AOAH: variants seen among roughly 807,000 people sequenced by gnomAD.
AOAH encodes acyloxyacyl hydrolase (neutrophil).
AOAH carries 64 observed loss-of-function variants against 92.2 expected under a neutral mutation model. That is an observed-to-expected ratio of 0.69 (90% confidence interval 0.57 to 0.86). The LOEUF (loss-of-function observed/expected upper bound fraction) is 0.86, where lower values mean the gene tolerates loss of function less well. Ranked by LOEUF, AOAH falls within the 40% of genes least tolerant of loss-of-function variation. The probability of loss-of-function intolerance (pLI) is 0.00; values close to 1 mark genes in which losing one functional copy is unlikely to be tolerated. For missense variants in AOAH, 656 were observed against 694.6 expected (o/e 0.94, Z 0.62); for synonymous variants, 263 against 254.5 (o/e 1.03, Z -0.32).
chr7:36,722,584 C>T (rs1799698880), intron 1 of AOAH, among the ~76,000 whole-genome samples: 1 of 152,142 alleles, frequency 6.6e-6, no homozygotes, highest in Non-Finnish European at 1.5e-5. Flanking sequence ...AAGGACCACA[C>T]ACCTCTGCCT....
rs1027530916 is a variant in AOAH at position 36,631,918 on chromosome 7, A to G, written c.521+118T>C. 11 of 738,150 alleles carry G rather than the reference A, an allele frequency of 1.5e-5. No homozygotes were observed. The African/African-American group carries it at 2.0e-4, about 13-fold the overall frequency. The allele number at this position is 738,150 out of a possible 1,614,324, so 45.7% of individuals were successfully genotyped here. A position where few individuals can be genotyped will look rare whatever the true frequency, so the allele number is the denominator to read the frequency against. On this transcript the variant is annotated intron_variant, in intron 6 of 20. Coordinates refer to ENST00000617537, the MANE Select transcript of AOAH (RefSeq NM_001637.4). ...CTGTGCAATGTTTTGAGAAAGAAAC[A>G]CTCTCACCTTCAGGGATGCCTTTTA...
At chr7:36,605,671 C>T (rs1322551011) in intron 11 of AOAH, among the ~76,000 whole-genome samples, 1 of 152,182 alleles carries the variant, frequency 6.6e-6, no homozygotes, top group Non-Finnish European at 1.5e-5. Flanking sequence ...TCTCAGTAGG[C>T]AGCAGGGCCA....
intron 4 of AOAH, among the ~76,000 whole-genome samples, chr7:36,642,706 A>G (rs1329168257): frequency 2.0e-5 from 3 of 152,266 alleles, no homozygotes; most frequent in Non-Finnish European, 4.4e-5. Flanking sequence ...GTACTCTGCC[A>G]GGCGTAAGCC....
chr7:36,657,457 G>C (rs1288620352), intron 4 of AOAH, among the ~76,000 whole-genome samples: 2 of 152,236 alleles, frequency 1.3e-5, no homozygotes, highest in Non-Finnish European at 2.9e-5. Context: ...TGAGTGCCCA[G>C]TCAATGTCAG....
In AOAH at chr7:36,594,134, C is replaced by T. The variant is rs189991727; in HGVS notation, c.938+205G>A. On this transcript the variant is annotated intron_variant, in intron 12 of 20. Transcript: ENST00000617537. ...ACTATGGAACTCCACCCCCACCCTG[C>T]CCATAGCAGGAATATGCTTTTCTTG... Among the ~76,000 whole-genome samples, 4 of 152,342 alleles carry T rather than the reference C, an allele frequency of 2.6e-5. No homozygotes were observed. The East Asian group carries it at 7.7e-4, about 29-fold the overall frequency.
intron 16 of AOAH, among the ~76,000 whole-genome samples, chr7:36,534,327 C>T (rs913742707): frequency 2.0e-5 from 3 of 152,224 alleles, no homozygotes; most frequent in Non-Finnish European, 1.5e-5. Context: ...CCCTCTGTCG[C>T]CTGGCTCCAC....
In AOAH at chr7:36,724,435, T is replaced by A. The variant is rs1174586226; in HGVS notation, c.-287A>T. The A allele has an allele frequency of 3.6e-6, 1 of 274,718 alleles. No homozygotes were observed. The highest frequency in any genetic ancestry group is 7.3e-6 in the Non-Finnish European group (1 of 136,394). 17.0% of individuals were successfully genotyped at this position (274,718 alleles called of 1,614,324 possible). A position where few individuals can be genotyped will look rare whatever the true frequency, so the allele number is the denominator to read the frequency against. ...TGTGCGGTTCTGCTGAGGTAAAGAC[T>A]GCAGGATAAAGAAAACCCAAGTTGC... On this transcript the variant is annotated 5_prime_UTR_variant, in exon 1 of 21. Transcript: ENST00000617537.
At chr7:36,700,874 T>C (rs1797988112) in intron 1 of AOAH, among the ~76,000 whole-genome samples, 2 of 152,120 alleles carry the variant, frequency 1.3e-5, no homozygotes, top group South Asian at 2.1e-4. Flanking sequence ...ACAATAGCCA[T>C]TCTAACTAGC....
intron 10 of AOAH, among the ~76,000 whole-genome samples, 187 bp downstream of exon 10, chr7:36,618,110 C>T (rs190184214): frequency 6.6e-6 from 1 of 152,290 alleles, no homozygotes; most frequent in African/African-American, 2.4e-5. Context: ...CCTCTTTCCT[C>T]CTTTTCTGAA....
Position 36,532,224 on chromosome 7 carries a change from C to A in AOAH, c.1366-18G>T, listed in dbSNP as rs1270176903. ...GGGCTGACCTGAGAGCGGGAAAACA[C>A]TTTTGATTACAGAGGATCAGGGTAG... On this transcript the variant is annotated intron_variant, in intron 17 of 20. Coordinates refer to ENST00000617537, the MANE Select transcript of AOAH (RefSeq NM_001637.4). 3 of 1,614,070 alleles carry A rather than the reference C, an allele frequency of 1.9e-6. No individual in the cohort carries two copies. The highest frequency in any genetic ancestry group is 2.5e-6 in the Non-Finnish European group (3 of 1,180,028).
In AOAH at chr7:36,608,637, A is replaced by G. The variant is rs528505155; in HGVS notation, c.846+7743T>C. On this transcript the variant is annotated intron_variant, in intron 11 of 20. Coordinates refer to ENST00000617537, the MANE Select transcript of AOAH (RefSeq NM_001637.4). Reference sequence around the variant, plus strand: ...TAGGTGGCTCAGCCAGGATTTGAACACTGGTCTGTTTGAGTCAATGTCCGA... The same window carrying G: ...TAGGTGGCTCAGCCAGGATTTGAACGCTGGTCTGTTTGAGTCAATGTCCGA... Among the ~76,000 whole-genome samples, 9 of 152,218 alleles carry G rather than the reference A, an allele frequency of 5.9e-5. 1 individual carries two copies. In the Middle Eastern group the frequency reaches 0.01, roughly 173 times the overall value.
intron 11 of AOAH, among the ~76,000 whole-genome samples, chr7:36,615,580 C>T (rs1791808946): frequency 6.6e-6 from 1 of 152,272 alleles, no homozygotes; most frequent in African/African-American, 2.4e-5. Context: ...TCAGACTGCC[C>T]TTCCCTGCAC....
chr7:36,595,949 T>C (rs762917029), intron 11 of AOAH, among the ~76,000 whole-genome samples: 7 of 152,260 alleles, frequency 4.6e-5, no homozygotes, highest in African/African-American at 9.6e-5. Context: ...AGCTTTAGCA[T>C]AATTTTCCAA....
intron 12 of AOAH, among the ~76,000 whole-genome samples, chr7:36,582,117 A>G (rs1476834266): frequency 6.6e-6 from 1 of 152,212 alleles, no homozygotes; most frequent in Admixed American, 6.5e-5. Flanking sequence ...AACTATCATG[A>G]TGATTCTGGC....
intron 12 of AOAH, among the ~76,000 whole-genome samples, chr7:36,590,539 G>C (rs1789669866): frequency 6.6e-6 from 1 of 152,034 alleles, no homozygotes; most frequent in Admixed American, 6.6e-5. Flanking sequence ...TCTATGAAGG[G>C]GATAATAAAT....
chr7:36,684,272 A>C (rs1032209643), intron 2 of AOAH, among the ~76,000 whole-genome samples: 10 of 152,182 alleles, frequency 6.6e-5, no homozygotes, highest in African/African-American at 2.2e-4. Flanking sequence ...GGATCATCTG[A>C]GCTTCAAAAG....
chr7:36,566,605 A>C (rs1787732140), intron 13 of AOAH, among the ~76,000 whole-genome samples: 1 of 152,090 alleles, frequency 6.6e-6, no homozygotes, highest in Non-Finnish European at 1.5e-5. Flanking sequence ...CACAGCCAGC[A>C]CCAGGGAAAA....
chr7:36,716,504 C>G (rs1421338411), intron 1 of AOAH, among the ~76,000 whole-genome samples: 1 of 149,340 alleles, frequency 6.7e-6, no homozygotes, highest in Non-Finnish European at 1.5e-5. Context: ...TATCATGCTG[C>G]TATAAAGACA....
chr7:36,513,341 C>A lies in AOAH; in HGVS notation c.1639G>T (p.Val547Leu), dbSNP rs1331147446. Reference protein sequence around the residue: ...LLLADHFWKKVQLQWPQILGK... With the variant: ...LLLADHFWKKLQLQWPQILGK... ...AGGATTTGGGGCCACTGGAGCTGCA[C>A]CTTTTTCCAGAAATGATCCGCCAAC... is the stretch of plus-strand genomic sequence containing the variant. The change falls in exon 21 of 21, where the codon GTG (valine) becomes TTG (leucine). Residue 547 changes from valine (V) to leucine (L), a missense_variant. By Grantham distance (32) the Val-to-Leu change is conservative. Transcript: ENST00000617537. 6 of 1,614,158 alleles carry A rather than the reference C, an allele frequency of 3.7e-6. No homozygotes were observed. Among genetic ancestry groups the A allele is most frequent in the East Asian group, 4.5e-5 (2 of 44,882 alleles).
Sources: allele counts gnomAD v4.1 joint callset (sites outside exome capture counted in the v4.1 genomes callset), GRCh38; gene constraint gnomAD v4.1.1; transcripts MANE v1.5; gene names NCBI Gene and HGNC (gene_info 2026-07-23, HGNC 2026-07-21).